EXOC4: variants seen among roughly 807,000 people sequenced by gnomAD.
The protein encoded by EXOC4 is SEC8-like 1.
EXOC4 carries 71 observed loss-of-function variants against 107.2 expected under a neutral mutation model. The observed-to-expected ratio is 0.66, with a 90% CI of 0.55 to 0.81. The LOEUF is 0.81. Among genes scored for constraint, EXOC4 ranks in the 30% least tolerant of loss-of-function variants. The probability of loss-of-function intolerance (pLI) is 0.00; values close to 1 mark genes in which losing one functional copy is unlikely to be tolerated. For synonymous variants in EXOC4, 456 were observed against 441.2 expected (o/e 1.03, Z -0.42); for missense variants, 1,108 against 1,189.6 (o/e 0.93, Z 1.01).
the EXOC4 span, among the ~76,000 whole-genome samples, chr7:134,073,487 T>G: frequency 6.6e-6 from 1 of 152,018 alleles, no homozygotes; most frequent in Non-Finnish European, 1.5e-5. Context: ...TGCATCTCAT[T>G]AACTCTGAAG....
intron 17 of EXOC4, among the ~76,000 whole-genome samples, chr7:134,019,076 C>A (rs897015827): frequency 6.6e-6 from 1 of 151,964 alleles, no homozygotes; most frequent in African/African-American, 2.4e-5. Flanking sequence ...ATTAAAGGCA[C>A]GCGCCACTAC....
chr7:133,814,720 ATTG>A (rs1797323974), intron 10 of EXOC4, among the ~76,000 whole-genome samples: 1 of 152,188 alleles, frequency 6.6e-6, no homozygotes, highest in Non-Finnish European at 1.5e-5. Flanking sequence ...GGCCAATTGC[ATTG>A]TTGTAAAAAT....
intron 9 of EXOC4, among the ~76,000 whole-genome samples, chr7:133,590,508 G>A (rs1016459304): frequency 6.6e-6 from 1 of 152,116 alleles, no homozygotes; most frequent in African/African-American, 2.4e-5. Flanking sequence ...ACCCTAGCCT[G>A]CTCTGCCCCA....
intron 14 of EXOC4, among the ~76,000 whole-genome samples, chr7:133,948,037 GC>G (rs1281278669): frequency 6.6e-6 from 1 of 152,190 alleles, no homozygotes; most frequent in African/African-American, 2.4e-5. Context: ...AATCACCAGA[GC>G]CTGAGCCGAC....
Position 133,378,309 on chromosome 7 carries a change from C to CAA in EXOC4, c.1182+3322_1182+3323dup, listed in dbSNP as rs61241527. 3.4e-3 allele frequency among the ~76,000 whole-genome samples: 357 copies of CAA among 105,570 alleles called. 3 individuals carry two copies. Among genetic ancestry groups the CAA allele is most frequent in the South Asian group, 8.5e-3 (25 of 2,956 alleles). The allele number at this position is 105,570 out of a possible 152,430, so 69.3% of individuals were successfully genotyped here. A position where few individuals can be genotyped will look rare whatever the true frequency, so the allele number is the denominator to read the frequency against. On this transcript the variant is annotated intron_variant, in intron 7 of 17. Transcript: ENST00000253861. ...TGGGCGGCAGAGTGAGACTCCATCTCAAAAAAAAAAAAAAAAGAGTTTTTC... is the reference window on the plus strand; with the variant it reads ...TGGGCGGCAGAGTGAGACTCCATCTCAAAAAAAAAAAAAAAAAAGAGTTTTTC...
intron 11 of EXOC4, among the ~76,000 whole-genome samples, chr7:133,859,034 C>G (rs1487438427): frequency 6.6e-6 from 1 of 152,148 alleles, no homozygotes. Flanking sequence ...GAACCCCACC[C>G]AGTGGCACCA....
intron 10 of EXOC4, among the ~76,000 whole-genome samples, chr7:133,711,332 A>G (rs1794889253): frequency 6.6e-6 from 1 of 152,236 alleles, no homozygotes; most frequent in Non-Finnish European, 1.5e-5. Flanking sequence ...TGCAATGCTC[A>G]GACTGAAATG....
intron 6 of EXOC4, among the ~76,000 whole-genome samples, chr7:133,367,311 C>A (rs528406964): frequency 4.6e-5 from 7 of 152,174 alleles, no homozygotes; most frequent in Non-Finnish European, 1.0e-4. Context: ...GAAGGAATAA[C>A]TGGAGAGGTG....
At chr7:133,999,270 C>T (rs146588497) in intron 15 of EXOC4, among the ~76,000 whole-genome samples, 88 of 151,800 alleles carry the variant, frequency 5.8e-4, no homozygotes, top group East Asian at 5.4e-3. Flanking sequence ...GATAGGTGAC[C>T]CTTGGGAATA....
intron 1 of EXOC4, among the ~76,000 whole-genome samples, chr7:133,272,138 CACTA>C (rs1793886907): frequency 6.6e-6 from 1 of 152,084 alleles, no homozygotes; most frequent in East Asian, 1.9e-4. Context: ...ATTTAATTCT[CACTA>C]ACAACCCTAT....
intron 9 of EXOC4, among the ~76,000 whole-genome samples, chr7:133,597,243 T>C (rs889323851): frequency 1.1e-4 from 16 of 152,180 alleles, no homozygotes; most frequent in African/African-American, 3.9e-4. Flanking sequence ...AGGGCTGATA[T>C]GACAGCCTTC....
At chr7:133,418,793 G>C (rs1200356865) in intron 7 of EXOC4, among the ~76,000 whole-genome samples, 2 of 152,116 alleles carry the variant, frequency 1.3e-5, no homozygotes, top group South Asian at 2.1e-4. Context: ...ATCCTCTGAC[G>C]CTGGGAGACC....
intron 10 of EXOC4, among the ~76,000 whole-genome samples, chr7:133,655,369 G>A (rs965303573): frequency 6.6e-6 from 1 of 151,922 alleles, no homozygotes; most frequent in Non-Finnish European, 1.5e-5. Flanking sequence ...AAGCTATATT[G>A]AAATATACCA....
At chr7:133,724,870 C>T (rs1439020486) in intron 10 of EXOC4, among the ~76,000 whole-genome samples, 1 of 152,144 alleles carries the variant, frequency 6.6e-6, no homozygotes, top group African/African-American at 2.4e-5. Context: ...AGGATTAGAA[C>T]ACAATGAGTG....
chr7:133,535,930 A>G (rs1800261698), intron 9 of EXOC4, among the ~76,000 whole-genome samples: 1 of 152,232 alleles, frequency 6.6e-6, no homozygotes, highest in African/African-American at 2.4e-5. Flanking sequence ...GGCAGTGCTA[A>G]CACATTTGTT....
At chr7:133,430,223 A>G (rs936242893) in intron 7 of EXOC4, among the ~76,000 whole-genome samples, 1 of 152,192 alleles carries the variant, frequency 6.6e-6, no homozygotes, top group African/African-American at 2.4e-5. Flanking sequence ...TCCTTTCGAC[A>G]TTCAGTTGCT....
chr7:134,087,297 C>G, the EXOC4 span, among the ~76,000 whole-genome samples: 2 of 152,144 alleles, frequency 1.3e-5, no homozygotes, highest in Non-Finnish European at 2.9e-5. Flanking sequence ...TGATGATGTT[C>G]CTGCCTAACT....
At chr7:133,307,587 A>G (rs1794781890) in intron 4 of EXOC4, among the ~76,000 whole-genome samples, 1 of 152,254 alleles carries the variant, frequency 6.6e-6, no homozygotes, top group African/African-American at 2.4e-5. Context: ...ACTTAAGCTC[A>G]AGGTTTCTCA....
intron 17 of EXOC4, among the ~76,000 whole-genome samples, chr7:134,015,658 C>T (rs1043863058): frequency 3.9e-5 from 6 of 151,924 alleles, no homozygotes; most frequent in African/African-American, 9.7e-5. Flanking sequence ...AGGTGGATCA[C>T]GAGGTCAGGA....
Sources: allele counts gnomAD v4.1 joint callset (sites outside exome capture counted in the v4.1 genomes callset), GRCh38; gene constraint gnomAD v4.1.1; transcripts MANE v1.5; gene names NCBI Gene and HGNC (gene_info 2026-07-23, HGNC 2026-07-21).